TNR: variants seen among roughly 807,000 people sequenced by gnomAD.
The protein encoded by TNR is tenascin-R.
Under a neutral mutation model 150.4 loss-of-function variants are expected in TNR, and 45 were observed. That is an observed-to-expected ratio of 0.30 (90% CI 0.24 to 0.38). The LOEUF (loss-of-function observed/expected upper bound fraction) is 0.38, where lower values mean the gene tolerates loss of function less well. TNR is among the 10% of genes least tolerant of loss of function. The pLI is 1.00. For missense variants in TNR, 1,544 were observed against 1,759.1 expected (o/e 0.88, Z 2.19); for synonymous variants, 687 against 678.4 (o/e 1.01, Z -0.20).
intron 1 of TNR, among the ~76,000 whole-genome samples, chr1:175,729,756 C>T (rs1667583137): frequency 2.0e-5 from 3 of 152,074 alleles, no homozygotes; most frequent in Admixed American, 2.0e-4. Context: ...TGGCTGGGAA[C>T]TGGCCTTAGG....
rs1571564647 is a variant in TNR, at chr1:175,528,337, C to G, written c.-132G>C. The stretch of plus-strand genomic sequence containing the variant: ...CTTTAATCCTAATTCCAAAAGAGAC[C>G]TGCCCTCTATGCAGTTAAAACGATA... On this transcript the variant is annotated 5_prime_UTR_variant, in exon 2 of 23. Transcript: ENST00000367674. The G allele has an allele frequency of 2.0e-5, 3 of 152,210 alleles. No homozygotes were observed. Among genetic ancestry groups the G allele is most frequent in the African/African-American group, 7.2e-5 (3 of 41,464 alleles). 9.4% of individuals were successfully genotyped at this position (152,210 alleles called of 1,614,324 possible).
intron 21 of TNR, 135 bp from the exon 22 acceptor site, chr1:175,324,654 T>A (rs1277734314): frequency 9.5e-7 from 1 of 1,049,498 alleles, no homozygotes; most frequent in Non-Finnish European, 1.4e-6. Flanking sequence ...TTTCTCAGAG[T>A]GGCTGTGCTG....
intron 1 of TNR, among the ~76,000 whole-genome samples, chr1:175,610,971 C>A (rs1663576757): frequency 6.6e-6 from 1 of 152,164 alleles, no homozygotes; most frequent in Admixed American, 6.5e-5. Flanking sequence ...GATCACTGAG[C>A]CAGTTTGGTG....
At chr1:175,327,590 T>C (rs1649473275) in intron 21 of TNR, among the ~76,000 whole-genome samples, 1 of 152,222 alleles carries the variant, frequency 6.6e-6, no homozygotes, top group African/African-American at 2.4e-5. Flanking sequence ...TTCCAGCTTC[T>C]GGATCTGGCT....
At chr1:175,692,896 A>G (rs1053900971) in intron 1 of TNR, among the ~76,000 whole-genome samples, 3 of 152,218 alleles carry the variant, frequency 2.0e-5, no homozygotes, top group Admixed American at 6.5e-5. Context: ...AGGGAGAACC[A>G]TATCAGTCCT....
At chr1:175,369,160 A>C (rs1651976620) in intron 9 of TNR, among the ~76,000 whole-genome samples, 1 of 152,178 alleles carries the variant, frequency 6.6e-6, no homozygotes, top group Admixed American at 6.5e-5. Context: ...TTAGAGTCTC[A>C]TCACAACCTT....
chr1:175,503,600 C>G (rs970324782), intron 2 of TNR, among the ~76,000 whole-genome samples: 5 of 152,110 alleles, frequency 3.3e-5, no homozygotes, highest in East Asian at 1.9e-4. Context: ...CCTTGGGCCC[C>G]GGGCAGGCAG....
chr1:175,663,431 G>C (rs1368315225), intron 1 of TNR, among the ~76,000 whole-genome samples: 2 of 152,188 alleles, frequency 1.3e-5, no homozygotes, highest in Non-Finnish European at 2.9e-5. Flanking sequence ...TGGCTAATTT[G>C]CCAGCAAGAC....
At chr1:175,386,408 A>G in intron 7 of TNR, 107 bp from the exon 8 acceptor site, 1 of 1,236,716 alleles carries the variant, frequency 8.1e-7, no homozygotes, top group Admixed American at 3.1e-5. Context: ...CAGAGAGAGG[A>G]TGGGTATTGT....
At chr1:175,697,210 A>G (rs565318319) in intron 1 of TNR, among the ~76,000 whole-genome samples, 1 of 151,600 alleles carries the variant, frequency 6.6e-6, no homozygotes, top group East Asian at 1.9e-4. Flanking sequence ...TAACTCAAAC[A>G]AGAGCAAGGT....
At chr1:175,359,813 A>G in intron 14 of TNR, 82 bp from the exon 15 acceptor site, 2 of 1,512,580 alleles carry the variant, frequency 1.3e-6, no homozygotes, top group Non-Finnish European at 1.8e-6. Context: ...AGTTCCACTC[A>G]TGGTGCAAGA....
Position 175,337,985 on chromosome 1 carries a change from G to A in TNR, c.3383-306C>T, listed in dbSNP as rs571104576. Among the ~76,000 whole-genome samples, 6 of 152,326 alleles carry A rather than the reference G, an allele frequency of 3.9e-5. No individual in the cohort carries two copies. The South Asian group carries it at 1.2e-3, about 32-fold the overall frequency. On this transcript the variant is annotated intron_variant, in intron 18 of 22. Coordinates refer to ENST00000367674, the MANE Select transcript of TNR (RefSeq NM_003285.3). ...CTTTAAGTAAATCAGTTGGGCGTCA[G>A]TTTTCTTATCAGTAAAATGGGGATA... is the stretch of plus-strand genomic sequence containing the variant.
At chr1:175,537,156 G>C (rs1376933265) in intron 1 of TNR, among the ~76,000 whole-genome samples, 1 of 152,210 alleles carries the variant, frequency 6.6e-6, no homozygotes, top group Non-Finnish European at 1.5e-5. Flanking sequence ...GCACCCCTTG[G>C]AGAGCACTTA....
At chr1:175,668,793 A>G (rs1288828812) in intron 1 of TNR, among the ~76,000 whole-genome samples, 1 of 152,224 alleles carries the variant, frequency 6.6e-6, no homozygotes, top group East Asian at 1.9e-4. Flanking sequence ...CTGAGGCTAA[A>G]AGAAGCCAGG....
Position 175,627,756 on chromosome 1 carries a change from C to T in TNR, c.-164-99387G>A, listed in dbSNP as rs534725444. 8.1e-4 allele frequency among the ~76,000 whole-genome samples: 124 copies of T among 152,190 alleles called. 1 individual carries two copies. The highest frequency in any genetic ancestry group is 2.8e-3 in the African/African-American group (116 of 41,530). ...GTTCTACTTTCAAGTTAATCTGAGG[C>T]TCTCCTAACGTTTTTACACAATCAG... On this transcript the variant is annotated intron_variant, in intron 1 of 22. Coordinates refer to ENST00000367674, the MANE Select transcript of TNR (RefSeq NM_003285.3).
rs138288508 is a variant in TNR at position 175,595,302 on chromosome 1, C to T, written c.-164-66933G>A. On this transcript the variant is annotated intron_variant, in intron 1 of 22. Coordinates refer to ENST00000367674, the MANE Select transcript of TNR (RefSeq NM_003285.3). ...CTCAGAAAATTAAAGCTGAAAGGGG[C>T]TAAGAAGTTGTCCAGACCAACTCCT... 1.2e-3 allele frequency among the ~76,000 whole-genome samples: 186 copies of T among 152,298 alleles called. 1 individual carries two copies. The East Asian group carries it at 0.029, about 24-fold the overall frequency.
intron 14 of TNR, among the ~76,000 whole-genome samples, chr1:175,359,950 C>T (rs1001256068): frequency 6.6e-6 from 1 of 152,154 alleles, no homozygotes; most frequent in Non-Finnish European, 1.5e-5. Flanking sequence ...CTCCCCCAGT[C>T]GCCCCCAGCT....
intron 1 of TNR, among the ~76,000 whole-genome samples, chr1:175,678,938 C>A (rs1314503596): frequency 6.6e-6 from 1 of 152,182 alleles, no homozygotes; most frequent in Non-Finnish European, 1.5e-5. Context: ...ATGCTCCCTG[C>A]CATTTCTAGA....
At chr1:175,495,209 T>C (rs1386326531) in intron 2 of TNR, among the ~76,000 whole-genome samples, 1 of 152,120 alleles carries the variant, frequency 6.6e-6, no homozygotes, top group East Asian at 1.9e-4. Flanking sequence ...GATAGACAGA[T>C]ACATCATGCA....
Sources: gnomAD v4.1 joint callset for allele counts (sites outside exome capture counted in the v4.1 genomes callset) on GRCh38, gnomAD v4.1.1 for gene constraint, MANE v1.5 for transcripts, NCBI Gene and HGNC (gene_info 2026-07-23, HGNC 2026-07-21) for gene names.